The following SEPTIN9 variants were observed in gnomAD, a reference collection of about 807,000 sequenced individuals.
SEPTIN9 encodes the protein septin-9.
A neutral mutation model predicts 56.6 loss-of-function variants in SEPTIN9; 13 were observed. The observed-to-expected ratio is 0.23, with a 90% CI of 0.15 to 0.37. The LOEUF (loss-of-function observed/expected upper bound fraction) is 0.37. SEPTIN9 is among the 10% of genes least tolerant of loss of function. SEPTIN9 has a pLI of 1.00. For missense variants in SEPTIN9, 650 were observed against 823.1 expected, an observed-to-expected ratio of 0.79 and a Z score of 2.57; for synonymous variants, 332 against 334.1, an observed-to-expected ratio of 0.99 and a Z score of 0.07.
intron 3 of SEPTIN9, among the ~76,000 whole-genome samples, chr17:77,439,269 A>C (rs1212629267): frequency 2.0e-5 from 3 of 152,118 alleles, no homozygotes; most frequent in Non-Finnish European, 2.9e-5. Context: ...GGGTTGGAAG[A>C]GTAGCTACTG....
chr17:77,378,668 G>A (rs1367324788), intron 2 of SEPTIN9, among the ~76,000 whole-genome samples: 3 of 152,228 alleles, frequency 2.0e-5, no homozygotes, highest in Non-Finnish European at 4.4e-5. Context: ...GCAGACACTA[G>A]TGCCAGTAGC....
At chr17:77,308,511 G>A (rs776981878) in intron 2 of SEPTIN9, among the ~76,000 whole-genome samples, 13 of 152,228 alleles carry the variant, frequency 8.5e-5, no homozygotes, top group Non-Finnish European at 1.9e-4. Context: ...CCGCTTAGCC[G>A]CCTGGGTCTA....
At chr17:77,464,711 C>T (rs923976284) in intron 3 of SEPTIN9, among the ~76,000 whole-genome samples, 6 of 152,016 alleles carry the variant, frequency 3.9e-5, no homozygotes, top group Non-Finnish European at 5.9e-5. Context: ...CGCCATTCTC[C>T]TGCCTCAGCC....
At chr17:77,438,110 A>C (rs2037416073) in intron 3 of SEPTIN9, among the ~76,000 whole-genome samples, 1 of 152,198 alleles carries the variant, frequency 6.6e-6, no homozygotes, top group Non-Finnish European at 1.5e-5. Context: ...CTTGTGACCG[A>C]AAGGAGCTGA....
intron 3 of SEPTIN9, among the ~76,000 whole-genome samples, chr17:77,464,761 C>T (rs974952062): frequency 2.0e-5 from 3 of 151,762 alleles, no homozygotes; most frequent in Admixed American, 2.0e-4. Flanking sequence ...CCACCACACC[C>T]GGCTAATTTT....
Position 77,436,074 on chromosome 17 carries a change from C to T in SEPTIN9, c.721+33371C>T, listed in dbSNP as rs751185585. On this transcript the variant is annotated intron_variant, in intron 3 of 11. Transcript: ENST00000427177. The surrounding 1 kb of genome is among the most constrained non-coding windows in gnomAD (Gnocchi z 4.4). ...ACTTTGCCATCCACACTGGCTTCCA[C>T]GGCTGGGTGGGAGTTGAGTTGAGCT... Among the ~76,000 whole-genome samples, 30 of 152,326 alleles carry T rather than the reference C, an allele frequency of 2.0e-4. No individual in the cohort carries two copies. Among genetic ancestry groups the T allele is most frequent in the Middle Eastern group, 3.4e-3 (1 of 294 alleles).
intron 3 of SEPTIN9, among the ~76,000 whole-genome samples, chr17:77,461,244 T>G (rs1490621428): frequency 6.7e-6 from 1 of 150,332 alleles, no homozygotes; most frequent in African/African-American, 2.5e-5. Flanking sequence ...AGGCGGAGGT[T>G]GCAGTGAGCC....
chr17:77,392,689 G>C (rs1023121654), intron 2 of SEPTIN9, among the ~76,000 whole-genome samples: 1 of 152,124 alleles, frequency 6.6e-6, no homozygotes, highest in Admixed American at 6.5e-5. Context: ...GTGGTACCCT[G>C]GTTCTTCCCT....
rs2032757681 is a variant in SEPTIN9, at chr17:77,317,653, A to G, written c.76+10456A>G. Among the ~76,000 whole-genome samples the G allele has an allele frequency of 1.3e-5, 2 of 152,150 alleles. No individual in the cohort carries two copies. The highest frequency in any genetic ancestry group is 1.3e-4 in the Admixed American group (2 of 15,280). ...GTGAGTTGTATAATTATCTCATTATATATTATAATAATAATAGAAATAAAG... is the reference window on the plus strand; with the variant it reads ...GTGAGTTGTATAATTATCTCATTATGTATTATAATAATAATAGAAATAAAG... On this transcript the variant is annotated intron_variant, in intron 2 of 11. Transcript: ENST00000427177. This position sits in a 1 kb window ranked among gnomAD's most constrained non-coding sequence, Gnocchi z 4.2.
Position 77,317,827 on chromosome 17 carries a change from C to T in SEPTIN9, c.76+10630C>T, listed in dbSNP as rs1250507588. Among the ~76,000 whole-genome samples, 3 of 152,086 alleles carry T rather than the reference C, an allele frequency of 2.0e-5. No individual in the cohort carries two copies. The highest frequency in any genetic ancestry group is 4.8e-5 in the African/African-American group (2 of 41,506). ...CAGCACTTTGGGAGGCCAAGGCTGGCGGATCACGAGGTCAGGAGTTCAAGA... is the reference window on the plus strand; with the variant it reads ...CAGCACTTTGGGAGGCCAAGGCTGGTGGATCACGAGGTCAGGAGTTCAAGA... On this transcript the variant is annotated intron_variant, in intron 2 of 11. Coordinates refer to ENST00000427177, the MANE Select transcript of SEPTIN9 (RefSeq NM_001113491.2). This position sits in a 1 kb window ranked among gnomAD's most constrained non-coding sequence, Gnocchi z 4.2.
intron 3 of SEPTIN9, among the ~76,000 whole-genome samples, chr17:77,481,146 C>T (rs780590745): frequency 2.0e-5 from 3 of 152,220 alleles, no homozygotes; most frequent in Admixed American, 6.5e-5. Flanking sequence ...CCTCAGCAGG[C>T]GTCTTCCGGG....
chr17:77,475,570 G>A lies in SEPTIN9; in HGVS notation c.722-6574G>A, dbSNP rs1482212158. 1 of 1,613,364 alleles carries A rather than the reference G, an allele frequency of 6.2e-7. No homozygotes were observed. Among genetic ancestry groups the A allele is most frequent in the South Asian group, 1.1e-5 (1 of 91,068 alleles). On this transcript the variant is annotated intron_variant, in intron 3 of 11. Coordinates refer to ENST00000427177, the MANE Select transcript of SEPTIN9 (RefSeq NM_001113491.2). This position sits in a 1 kb window ranked among gnomAD's most constrained non-coding sequence, Gnocchi z 4.6. The stretch of plus-strand genomic sequence containing the variant: ...GCAGGTGGCCGTAGGGCTGCCGCAG[G>A]GGTGCTGGCCCCAGGGTCTGGATTC...
intron 2 of SEPTIN9, chr17:77,320,423 A>C: frequency 7.6e-7 from 1 of 1,317,350 alleles, no homozygotes; most frequent in Non-Finnish European, 1.1e-6. Context: ...GCCTGGGGGA[A>C]TAAGCATGCA....
At chr17:77,395,915 G>A (rs403483) in intron 2 of SEPTIN9, among the ~76,000 whole-genome samples, 46,725 of 152,132 alleles carry the variant, frequency 0.31, 8,441 homozygotes, top group East Asian at 0.59. Context: ...GTCCTCGTAC[G>A]TAAATCTTTC....
Position 77,499,431 on chromosome 17 carries a change from G to C in SEPTIN9, c.*773G>C. 1 of 537,734 alleles carries C rather than the reference G, an allele frequency of 1.9e-6. No homozygotes were observed. The highest frequency in any genetic ancestry group is 3.6e-6 in the Non-Finnish European group (1 of 277,054). The allele number at this position is 537,734 out of a possible 1,614,324, so 33.3% of individuals were successfully genotyped here. Reference sequence around the variant, plus strand: ...AGGTGCTGCTGATGCGCTGGGATCTGATTGAGGATAAAAAGGAAGGAGAGA... The same window carrying C: ...AGGTGCTGCTGATGCGCTGGGATCTCATTGAGGATAAAAAGGAAGGAGAGA... On this transcript the variant is annotated 3_prime_UTR_variant, in exon 12 of 12. Transcript: ENST00000427177.
rs550493785 is a variant in SEPTIN9, at chr17:77,427,504, A to G, written c.721+24801A>G. On this transcript the variant is annotated intron_variant, in intron 3 of 11. Transcript: ENST00000427177. ...TTCCCCCGTCCTCCGGGCTCTGGCA[A>G]TGGGCTGGGCACAGTGAATGGGTTC... Among the ~76,000 whole-genome samples the G allele has an allele frequency of 2.5e-4, 38 of 152,268 alleles. No homozygotes were observed. The South Asian group carries it at 7.5e-3, about 30-fold the overall frequency.
intron 2 of SEPTIN9, among the ~76,000 whole-genome samples, chr17:77,396,012 A>G (rs902765079): frequency 2.0e-5 from 3 of 152,146 alleles, no homozygotes; most frequent in African/African-American, 7.2e-5. Flanking sequence ...GCAAGTTGAG[A>G]TCGGTGGGGA....
Position 77,310,125 on chromosome 17 carries a change from C to T in SEPTIN9, c.76+2928C>T, listed in dbSNP as rs908528113. ...TCCTCAGTAGCCAGGATTACAGGCA[C>T]CCGCCACCATGTCTGGCTAATTTTT... On this transcript the variant is annotated intron_variant, in intron 2 of 11. Coordinates refer to ENST00000427177, the MANE Select transcript of SEPTIN9 (RefSeq NM_001113491.2). This position sits in a 1 kb window ranked among gnomAD's most constrained non-coding sequence, Gnocchi z 4.7. 6.6e-6 allele frequency among the ~76,000 whole-genome samples: 1 copy of T among 151,808 alleles called. No individual in the cohort carries two copies. Among genetic ancestry groups the T allele is most frequent in the East Asian group, 1.9e-4 (1 of 5,204 alleles).
intron 3 of SEPTIN9, among the ~76,000 whole-genome samples, chr17:77,455,210 G>A (rs58582950): frequency 2.5e-3 from 387 of 152,304 alleles, no homozygotes; most frequent in African/African-American, 8.7e-3. Context: ...CTTGGCTCCT[G>A]AGCGCCCAAG....
Sources: allele counts gnomAD v4.1 joint callset (sites outside exome capture counted in the v4.1 genomes callset), GRCh38; gene constraint gnomAD v4.1.1; non-coding constraint Gnocchi (gnomAD v3.1); transcripts MANE v1.5; gene names NCBI Gene and HGNC (gene_info 2026-07-23, HGNC 2026-07-21).